IGSF9B: variants seen among roughly 807,000 people sequenced by gnomAD.
IGSF9B encodes the protein protein turtle homolog B.
A neutral mutation model predicts 143.7 loss-of-function variants in IGSF9B; 48 were observed. The ratio of observed to expected loss-of-function variants is 0.33; its 90% CI spans 0.26 to 0.42. The LOEUF (loss-of-function observed/expected upper bound fraction) is 0.42. Among genes scored for constraint, IGSF9B ranks in the 20% least tolerant of loss-of-function variants. IGSF9B has a pLI of 1.00. For synonymous variants in IGSF9B, 903 were observed against 833.1 expected (o/e 1.08, Z -1.44); for missense variants, 1,706 against 1,980.0 (o/e 0.86, Z 2.63).
chr11:133,956,787 A>G lies in IGSF9B; in HGVS notation c.-33T>C. 7.2e-7 allele frequency: 1 copy of G among 1,397,550 alleles called. No homozygotes were observed. The highest frequency in any genetic ancestry group is 9.5e-7 in the Non-Finnish European group (1 of 1,051,474). 86.6% of individuals were successfully genotyped at this position (1,397,550 alleles called of 1,614,324 possible). The stretch of plus-strand genomic sequence containing the variant: ...CCGCGCCAGCCCGGAGCCTCATCCT[A>G]TCGCAAAGTGCTCCCGCGCCCGCAC... On this transcript the variant is annotated 5_prime_UTR_variant, in exon 1 of 20. Coordinates refer to ENST00000533871, the MANE Select transcript of IGSF9B (RefSeq NM_001277285.4).
chr11:133,920,849 CGGG>C lies in IGSF9B; in HGVS notation c.2873_2875del (p.Pro958del), dbSNP rs762782479. 1 of 1,599,224 alleles carries C rather than the reference CGGG, an allele frequency of 6.3e-7. No individual in the cohort carries two copies. Among genetic ancestry groups the C allele is most frequent in the African/African-American group, 1.3e-5 (1 of 74,450 alleles). The stretch of plus-strand genomic sequence containing the variant: ...ATAATACTGGCCATGGTGGAAGGGC[CGGG>C]GGGCAGGGGGCCGGGCCTGGCCTGT... On this transcript the variant is annotated inframe_deletion, in exon 18 of 20. Transcript: ENST00000533871.
chr11:133,937,846 C>T lies in IGSF9B; in HGVS notation c.525G>A (p.Lys175=). 3.7e-6 allele frequency: 6 copies of T among 1,610,892 alleles called. No homozygotes were observed. The highest frequency in any genetic ancestry group is 5.1e-6 in the Non-Finnish European group (6 of 1,178,512). ...CACTAGCACCGAGGAGCGTCCCCTC[C>T]TTGAGCCAGGTGACAATGGGCTTGG... ...GNPKPIVTWL[K]EGTLLGASGK... Residue 175 remains lysine (K), a synonymous_variant, in exon 4 of 20, where the codon AAG becomes AAA. Coordinates refer to ENST00000533871, the MANE Select transcript of IGSF9B (RefSeq NM_001277285.4).
rs550363892 is a variant in IGSF9B at position 133,934,290 on chromosome 11, CCCA to C, written c.967+1324_967+1326del. ...GCCACCTCCTGTTGGCTCCTCCTGCCCCACCATGGCCAACTCCGTGCCAGGTGG... is the reference window on the plus strand; with the variant it reads ...GCCACCTCCTGTTGGCTCCTCCTGCCCCATGGCCAACTCCGTGCCAGGTGG... On this transcript the variant is annotated intron_variant, in intron 7 of 19. Transcript: ENST00000533871. 2.2e-4 allele frequency among the ~76,000 whole-genome samples: 34 copies of C among 152,342 alleles called. No homozygotes were observed. The South Asian group carries it at 7.0e-3, about 32-fold the overall frequency.
In IGSF9B at chr11:133,907,880, G is replaced by A. The variant is rs1476615874; in HGVS notation, c.*1189C>T. Among the ~76,000 whole-genome samples, 2 of 152,350 alleles carry A rather than the reference G, an allele frequency of 1.3e-5. No individual in the cohort carries two copies. The highest frequency in any genetic ancestry group is 1.5e-5 in the Non-Finnish European group (1 of 68,026). Reference sequence around the variant, plus strand: ...TCCACCGGAGGACGAAGGCCCCGGGGCAGAGAAGAGTCGGCAGGCAGCACG... The same window carrying A: ...TCCACCGGAGGACGAAGGCCCCGGGACAGAGAAGAGTCGGCAGGCAGCACG... On this transcript the variant is annotated 3_prime_UTR_variant, in exon 20 of 20. Coordinates refer to ENST00000533871, the MANE Select transcript of IGSF9B (RefSeq NM_001277285.4).
At chr11:133,927,229 A>G (rs1261160822) in intron 12 of IGSF9B, 138 bp from the exon 13 acceptor site, 4 of 711,020 alleles carry the variant, frequency 5.6e-6, no homozygotes, top group Non-Finnish European at 9.4e-6. Context: ...AGAAGAGGGC[A>G]TGGCCCAGAG....
Position 133,946,209 on chromosome 11 carries a change from C to T in IGSF9B, c.114G>A (p.Gly38=). The change falls in exon 2 of 20, where the codon GGG becomes GGA. Residue 38 remains glycine, a synonymous_variant. Transcript: ENST00000533871. ...CGTCGCATCGCAGGACCACGCTCTC[C>T]CCAGCTCTTGCCGTCACAAACTCGG... ...EEPEFVTARA[G]ESVVLRCDVI... is the part of the protein sequence containing the mutation. 2 of 1,613,676 alleles carry T rather than the reference C, an allele frequency of 1.2e-6. No individual in the cohort carries two copies. Among genetic ancestry groups the T allele is most frequent in the Non-Finnish European group, 1.7e-6 (2 of 1,179,752 alleles).
At position 133,924,832 on chromosome 11, in the gene IGSF9B, C is replaced by T. The variant is rs201162330; in HGVS notation, c.2107G>A (p.Val703Ile). 4.9e-5 allele frequency: 79 copies of T among 1,613,618 alleles called. No individual in the cohort carries two copies. The highest frequency in any genetic ancestry group is 7.7e-5 in the South Asian group (7 of 91,080). The change falls in exon 15 of 20, where the codon GTC (valine) becomes ATC (isoleucine). Residue 703 changes from valine to isoleucine, a missense_variant. This residue lies in a region of IGSF9B where 267 missense variants were observed against 321.1 expected (regional missense o/e 0.83). Coordinates refer to ENST00000533871, the MANE Select transcript of IGSF9B (RefSeq NM_001277285.4). Reference protein sequence around the residue: ...LISEPSNIAGVSSTDIFPQPD... With the variant: ...LISEPSNIAGISSTDIFPQPD... Reference sequence around the variant, plus strand: ...CAACCCAAAATACCTGTGCTGGAGACGCCGGCGATGTTGCTGGGCTCGCTG... The same window carrying T: ...CAACCCAAAATACCTGTGCTGGAGATGCCGGCGATGTTGCTGGGCTCGCTG...
At position 133,911,871 on chromosome 11, in the gene IGSF9B, C is replaced by CT; in HGVS notation, c.4105+14dup. 6.6e-7 allele frequency: 1 copy of CT among 1,518,730 alleles called. No individual in the cohort carries two copies. Among genetic ancestry groups the CT allele is most frequent in the Non-Finnish European group, 8.8e-7 (1 of 1,140,132 alleles). The allele number at this position is 1,518,730 out of a possible 1,614,324, so 94.1% of individuals were successfully genotyped here. A position where few individuals can be genotyped will look rare whatever the true frequency, so the allele number is the denominator to read the frequency against. The stretch of plus-strand genomic sequence containing the variant: ...AAGGTGGGAGGAGCGGGGCGGGCCA[C>CT]TGCCCATCATTTACCGGATCGTTTC... On this transcript the variant is annotated intron_variant, in intron 19 of 19. Transcript: ENST00000533871.
chr11:133,932,231 A>T lies in IGSF9B; in HGVS notation c.968-18T>A, dbSNP rs767938107. 6.5e-7 allele frequency: 1 copy of T among 1,545,850 alleles called. No homozygotes were observed. Among genetic ancestry groups the T allele is most frequent in the Non-Finnish European group, 8.7e-7 (1 of 1,143,834 alleles). ...CGCTGGGTCTGCATAGAGGAAGCGC[A>T]GGTGAGAGAGCAGACAGACAGACAC... On this transcript the variant is annotated intron_variant, in intron 7 of 19. Transcript: ENST00000533871.
rs780675763 is a variant in IGSF9B at position 133,935,786 on chromosome 11, G to T, written c.822-24C>A. 5.6e-6 allele frequency: 9 copies of T among 1,606,196 alleles called. No individual in the cohort carries two copies. In the Admixed American group the frequency reaches 1.3e-4, roughly 24 times the overall value. On this transcript the variant is annotated intron_variant, in intron 6 of 19. Coordinates refer to ENST00000533871, the MANE Select transcript of IGSF9B (RefSeq NM_001277285.4). ...CGCTGCAAAGCGGCATGGGGACAGG[G>T]GGTTGGGCGAGCAGAAGGGGATCTT...
intron 1 of IGSF9B, among the ~76,000 whole-genome samples, chr11:133,955,452 G>A (rs191488177): frequency 5.3e-5 from 8 of 152,318 alleles, no homozygotes; most frequent in African/African-American, 1.7e-4. Context: ...ACGCCCCCCT[G>A]CACAGACGAG....
rs1464598002 is a variant in IGSF9B at position 133,921,087 on chromosome 11, C to T, written c.2638G>A (p.Ala880Thr). 4.3e-6 allele frequency: 7 copies of T among 1,613,784 alleles called. No homozygotes were observed. The highest frequency in any genetic ancestry group is 2.7e-5 in the African/African-American group (2 of 74,948). Reference protein sequence around the residue: ...KSRRIEGFPFAEETDMYPEFR... With the variant: ...KSRRIEGFPFTEETDMYPEFR... ...TCGGGGTACATGTCCGTCTCCTCGG[C>T]GAAGGGGAAGCCCTCGATGCGCCTG... Residue 880 changes from alanine (A) to threonine (T), a missense_variant, in exon 18 of 20, where the codon GCC becomes ACC. Transcript: ENST00000533871.
chr11:133,956,736 T>G lies in IGSF9B; in HGVS notation c.19A>C (p.Thr7Pro), dbSNP rs11600709. The change falls in exon 1 of 20, where the codon ACT becomes CCT. Residue 7 changes from threonine (T) to proline (P), a missense_variant. This residue lies in a region of IGSF9B where 171 missense variants were observed against 213.9 expected (regional missense o/e 0.80). Coordinates refer to ENST00000533871, the MANE Select transcript of IGSF9B (RefSeq NM_001277285.4). The stretch of plus-strand genomic sequence containing the variant: ...GTGCCGATCACACTTGCTATGAAAG[T>G]GGCCACATACCAAATCATAGTACTA... MIWYVA[T>P]FIASVIGTRG... The G allele has an allele frequency of 6.5e-7, 1 of 1,542,926 alleles. No individual in the cohort carries two copies. The highest frequency in any genetic ancestry group is 8.7e-7 in the Non-Finnish European group (1 of 1,146,098).
intron 18 of IGSF9B, chr11:133,919,196 G>C (rs1310258388): frequency 7.8e-6 from 3 of 384,180 alleles, no homozygotes; most frequent in Non-Finnish European, 1.6e-5. Context: ...GAGAGGCTGA[G>C]GAGGGGGCTG....
intron 3 of IGSF9B, among the ~76,000 whole-genome samples, chr11:133,941,405 T>C (rs185520630): frequency 3.2e-4 from 48 of 152,366 alleles, no homozygotes; most frequent in Admixed American, 2.5e-3. Flanking sequence ...AGACAATTTG[T>C]AATTCTAATT....
rs1939521078 is a variant in IGSF9B at position 133,920,963 on chromosome 11, G to C, written c.2762C>G (p.Ser921Cys). 6.2e-7 allele frequency: 1 copy of C among 1,610,634 alleles called. No homozygotes were observed. Among genetic ancestry groups the C allele is most frequent in the Non-Finnish European group, 8.5e-7 (1 of 1,178,330 alleles). The change falls in exon 18 of 20, where the codon TCC becomes TGC. Residue 921 changes from serine to cysteine, a missense_variant. Coordinates refer to ENST00000533871, the MANE Select transcript of IGSF9B (RefSeq NM_001277285.4). ...QLTPLSSSQE[S>C]YLPPPAYSPR... ...GCTGTATGCTGGTGGTGGCAGGTAG[G>C]ACTCCTGGCTGGATGACAGAGGGGT...
At chr11:133,939,521 G>A (rs981143575) in intron 3 of IGSF9B, among the ~76,000 whole-genome samples, 5 of 152,222 alleles carry the variant, frequency 3.3e-5, no homozygotes, top group Admixed American at 3.3e-4. Flanking sequence ...TTTGTTGAAT[G>A]AACGAAAGAA....
Position 133,922,185 on chromosome 11 carries a change from C to T in IGSF9B, c.2319G>A (p.Leu773=). ...GGATCTGAGACACTTACGGAGACTC[C>T]AGGCTCTTCCTGCAGTGGGTGATGG... ...PLSITHCRKS[L]ESPLSSGKVS... The change falls in exon 17 of 20, where the codon CTG becomes CTA. Residue 773 remains leucine, a synonymous_variant. Transcript: ENST00000533871. The T allele has an allele frequency of 1.2e-6, 2 of 1,613,384 alleles. No individual in the cohort carries two copies. The highest frequency in any genetic ancestry group is 4.5e-5 in the East Asian group (2 of 44,872).
intron 15 of IGSF9B, among the ~76,000 whole-genome samples, chr11:133,924,155 A>G (rs1287725273): frequency 6.6e-6 from 1 of 152,164 alleles, no homozygotes; most frequent in African/African-American, 2.4e-5. Context: ...AGCGGTGCCC[A>G]AGGAAATGAT....
Sources: allele counts gnomAD v4.1 joint callset (sites outside exome capture counted in the v4.1 genomes callset), GRCh38; gene constraint gnomAD v4.1.1; regional missense constraint gnomAD v4.1.1; transcripts MANE v1.5; gene names NCBI Gene and HGNC (gene_info 2026-07-23, HGNC 2026-07-21).